CCDC178: variants seen among roughly 807,000 people sequenced by gnomAD.
The protein encoded by CCDC178 is coiled-coil domain-containing protein 178.
CCDC178 carries 126 observed loss-of-function variants against 117.4 expected under a neutral mutation model. The ratio of observed to expected loss-of-function variants is 1.07; its 90% CI spans 0.93 to 1.24. The LOEUF (loss-of-function observed/expected upper bound fraction) is 1.24. Ranked by LOEUF, CCDC178 falls within the 50% of genes most tolerant of loss-of-function variation. CCDC178 has a pLI of 0.00. For synonymous variants in CCDC178, 283 were observed against 313.4 expected, an observed-to-expected ratio of 0.90 and a Z score of 1.02; for missense variants, 1,030 against 986.9, an observed-to-expected ratio of 1.04 and a Z score of -0.59.
chr18:33,001,992 T>C (rs1218050100), intron 21 of CCDC178, among the ~76,000 whole-genome samples: 2 of 152,198 alleles, frequency 1.3e-5, no homozygotes, highest in African/African-American at 4.8e-5. Context: ...ATTGTAAATA[T>C]ATATGCACCA....
chr18:33,380,579 A>G (rs1295079872), intron 5 of CCDC178, among the ~76,000 whole-genome samples: 1 of 152,110 alleles, frequency 6.6e-6, no homozygotes, highest in African/African-American at 2.4e-5. Flanking sequence ...TCAGATCCCT[A>G]GTGGAAAGGT....
intron 11 of CCDC178, among the ~76,000 whole-genome samples, chr18:33,302,760 A>C (rs2062193613): frequency 6.6e-6 from 1 of 152,268 alleles, no homozygotes; most frequent in South Asian, 2.1e-4. Context: ...CAGTAACAGA[A>C]AGTTCAAAGT....
intron 20 of CCDC178, among the ~76,000 whole-genome samples, chr18:33,110,527 T>C (rs1399392823): frequency 1.3e-5 from 2 of 151,638 alleles, no homozygotes; most frequent in Non-Finnish European, 3.0e-5. Context: ...TACATAACTT[T>C]AACATTTATA....
Position 33,333,178 on chromosome 18 carries a change from A to ATTTT in CCDC178, c.871_874dup (p.Met292LysfsTer12). 7.0e-7 allele frequency: 1 copy of ATTTT among 1,425,600 alleles called. No homozygotes were observed. The highest frequency in any genetic ancestry group is 9.6e-7 in the Non-Finnish European group (1 of 1,043,296). 88.3% of individuals were successfully genotyped at this position (1,425,600 alleles called of 1,614,324 possible). On this transcript the variant is annotated frameshift_variant, in exon 10 of 23. Transcript: ENST00000383096. LOFTEE classifies it high-confidence loss of function. ...CTCATGCATTCGTTTATTTACCTCC[A>ATTTT]TTTTTTTTTTATAATGGTTCTTCAG...
chr18:33,381,492 T>C (rs945774061), intron 5 of CCDC178, among the ~76,000 whole-genome samples: 1 of 152,230 alleles, frequency 6.6e-6, no homozygotes, highest in Admixed American at 6.5e-5. Flanking sequence ...CTCTGAACCA[T>C]CTTCACATTT....
chr18:33,412,386 C>A (rs532507672), intron 2 of CCDC178, among the ~76,000 whole-genome samples: 1 of 152,150 alleles, frequency 6.6e-6, no homozygotes, highest in African/African-American at 2.4e-5. Flanking sequence ...TTAGCATTGG[C>A]AATTGTAGCT....
chr18:32,995,270 C>T (rs1321066500), intron 21 of CCDC178, among the ~76,000 whole-genome samples: 2 of 152,232 alleles, frequency 1.3e-5, no homozygotes, highest in East Asian at 1.9e-4. Context: ...CTCTTAATGG[C>T]TTTCTTCTTT....
intron 11 of CCDC178, among the ~76,000 whole-genome samples, chr18:33,294,430 T>G (rs1464539443): frequency 6.6e-6 from 1 of 152,110 alleles, no homozygotes; most frequent in African/African-American, 2.4e-5. Context: ...CAATATGTAA[T>G]AGAAAAATTG....
At chr18:32,990,674 G>T (rs2055369333) in intron 21 of CCDC178, among the ~76,000 whole-genome samples, 1 of 151,982 alleles carries the variant, frequency 6.6e-6, no homozygotes, top group African/African-American at 2.4e-5. Context: ...TACAGAAAAA[G>T]ATTTTTGAAT....
chr18:33,062,415 A>G (rs548590842), intron 21 of CCDC178, among the ~76,000 whole-genome samples: 2 of 152,212 alleles, frequency 1.3e-5, no homozygotes, highest in Non-Finnish European at 2.9e-5. Flanking sequence ...AGGTAACCAT[A>G]CTATGAATAG....
intron 5 of CCDC178, among the ~76,000 whole-genome samples, chr18:33,376,823 GCAC>G (rs1599241431): frequency 2.0e-5 from 3 of 152,098 alleles, no homozygotes; most frequent in South Asian, 2.1e-4. Flanking sequence ...TGGTGTATAT[GCAC>G]CACATTTTCT....
chr18:33,067,467 CAAACT>C (rs1338938424), intron 21 of CCDC178, among the ~76,000 whole-genome samples: 1 of 151,986 alleles, frequency 6.6e-6, no homozygotes, highest in African/African-American at 2.4e-5. Context: ...AAAAACAAAA[CAAACT>C]AAACTCCAAA....
chr18:33,220,510 T>C (rs2059219174), intron 18 of CCDC178, among the ~76,000 whole-genome samples: 1 of 152,158 alleles, frequency 6.6e-6, no homozygotes, highest in East Asian at 1.9e-4. Flanking sequence ...TTACTATACA[T>C]AGTAGGTATT....
intron 20 of CCDC178, among the ~76,000 whole-genome samples, chr18:33,159,514 G>C (rs1408727575): frequency 6.6e-6 from 1 of 152,068 alleles, no homozygotes; most frequent in Non-Finnish European, 1.5e-5. Flanking sequence ...TGCTTTCTTG[G>C]CTAGTAGCCC....
intron 12 of CCDC178, among the ~76,000 whole-genome samples, chr18:33,286,780 CATAA>C (rs2060103399): frequency 6.6e-6 from 1 of 152,008 alleles, no homozygotes; most frequent in Non-Finnish European, 1.5e-5. Flanking sequence ...ATATAAAATT[CATAA>C]ATATTTCTAA....
intron 11 of CCDC178, among the ~76,000 whole-genome samples, chr18:33,315,959 T>C (rs907891662): frequency 6.6e-6 from 1 of 152,214 alleles, no homozygotes; most frequent in African/African-American, 2.4e-5. Context: ...ACATCTCCCA[T>C]ATATACAAGC....
intron 21 of CCDC178, among the ~76,000 whole-genome samples, chr18:33,023,426 G>A (rs1336473933): frequency 2.0e-5 from 3 of 152,118 alleles, no homozygotes; most frequent in Non-Finnish European, 4.4e-5. Context: ...GTGTTAACAG[G>A]AAAATCCAGA....
chr18:33,115,187 T>C (rs896531351), intron 20 of CCDC178, among the ~76,000 whole-genome samples: 2 of 152,034 alleles, frequency 1.3e-5, no homozygotes, highest in African/African-American at 4.8e-5. Context: ...TTTTAGGGTA[T>C]TATCTTCGCC....
intron 21 of CCDC178, among the ~76,000 whole-genome samples, chr18:33,090,510 C>A (rs140560832): frequency 1.3e-5 from 2 of 152,260 alleles, no homozygotes; most frequent in East Asian, 3.9e-4. Context: ...ATGGGAAATG[C>A]TGCAATATCA....
Sources: allele counts gnomAD v4.1 joint callset (sites outside exome capture counted in the v4.1 genomes callset), GRCh38; gene constraint gnomAD v4.1.1; transcripts MANE v1.5; gene names NCBI Gene and HGNC (gene_info 2026-07-23, HGNC 2026-07-21).